SGCZ: variants seen among roughly 807,000 people sequenced by gnomAD.
SGCZ encodes zeta-sarcoglycan.
Under a neutral mutation model 41.3 loss-of-function variants are expected in SGCZ, and 40 were observed. The ratio of observed to expected loss-of-function variants is 0.97; its 90% CI spans 0.75 to 1.26. SGCZ has a LOEUF of 1.26. SGCZ is among the 50% of genes most tolerant of loss of function. The pLI is 0.00. For missense variants in SGCZ, 552 were observed against 369.8 expected (o/e 1.49, Z -4.04); for synonymous variants, 206 against 137.5 (o/e 1.50, Z -3.49).
At chr8:14,194,417 G>C (rs1805202316) in intron 4 of SGCZ, among the ~76,000 whole-genome samples, 1 of 151,780 alleles carries the variant, frequency 6.6e-6, no homozygotes, top group African/African-American at 2.4e-5. Flanking sequence ...TGTAATCTTA[G>C]TTTAATTAAT....
rs143429878 is a variant in SGCZ, at chr8:14,398,856, G to A, written c.235-74652C>T. On this transcript the variant is annotated intron_variant, in intron 2 of 7. Coordinates refer to ENST00000382080, the MANE Select transcript of SGCZ (RefSeq NM_139167.4). ...TTGAGGTGATTATTTAGCTCAAGGTGGGAGTGAGACATGGCTGCTGTTTCA... is the reference window on the plus strand; with the variant it reads ...TTGAGGTGATTATTTAGCTCAAGGTAGGAGTGAGACATGGCTGCTGTTTCA... 7.9e-3 allele frequency among the ~76,000 whole-genome samples: 1,200 copies of A among 152,172 alleles called. 12 individuals carry two copies. Among genetic ancestry groups the A allele is most frequent in the Non-Finnish European group, 0.012 (845 of 67,982 alleles).
At chr8:14,476,514 G>A (rs1049654218) in intron 2 of SGCZ, among the ~76,000 whole-genome samples, 2 of 151,958 alleles carry the variant, frequency 1.3e-5, no homozygotes, top group Non-Finnish European at 2.9e-5. Context: ...TTATTAGTGA[G>A]CTAGTAATTT....
intron 1 of SGCZ, among the ~76,000 whole-genome samples, chr8:14,948,046 G>T (rs150954518): frequency 6.6e-6 from 1 of 152,152 alleles, no homozygotes; most frequent in Non-Finnish European, 1.5e-5. Context: ...TTATGGAGAA[G>T]GACAGAAGAG....
At chr8:14,347,076 C>T (rs1358956600) in intron 2 of SGCZ, among the ~76,000 whole-genome samples, 2 of 152,020 alleles carry the variant, frequency 1.3e-5, no homozygotes, top group Admixed American at 6.6e-5. Flanking sequence ...TATTAGCCCT[C>T]GTTAGTTGCC....
At chr8:14,156,971 T>TA (rs1205505539) in intron 5 of SGCZ, among the ~76,000 whole-genome samples, 1 of 152,142 alleles carries the variant, frequency 6.6e-6, no homozygotes, top group African/African-American at 2.4e-5. Context: ...AAAATAATGA[T>TA]AAAAAACTAC....
chr8:14,926,030 C>G (rs1799737643), intron 1 of SGCZ, among the ~76,000 whole-genome samples: 1 of 152,008 alleles, frequency 6.6e-6, no homozygotes, highest in South Asian at 2.1e-4. Flanking sequence ...TTAAAGTTAA[C>G]TATGTGAAGA....
intron 3 of SGCZ, among the ~76,000 whole-genome samples, chr8:14,274,230 TA>T (rs1336182293): frequency 1.3e-5 from 2 of 152,112 alleles, no homozygotes; most frequent in Non-Finnish European, 2.9e-5. Flanking sequence ...CAGAAGAAAA[TA>T]AAGCATTGAA....
intron 1 of SGCZ, among the ~76,000 whole-genome samples, chr8:14,765,844 A>C (rs1157159854): frequency 6.6e-6 from 1 of 152,222 alleles, no homozygotes; most frequent in East Asian, 1.9e-4. Flanking sequence ...TCGTAGTAAA[A>C]AAATAAAACA....
intron 1 of SGCZ, among the ~76,000 whole-genome samples, chr8:14,815,141 A>G (rs911887315): frequency 3.3e-5 from 5 of 152,140 alleles, no homozygotes; most frequent in Non-Finnish European, 5.9e-5. Context: ...TTATACTTCA[A>G]TTAGTAAGTG....
intron 1 of SGCZ, among the ~76,000 whole-genome samples, chr8:15,035,499 A>G (rs1394098325): frequency 6.6e-6 from 1 of 152,186 alleles, no homozygotes; most frequent in Non-Finnish European, 1.5e-5. Context: ...ATCGTTACCT[A>G]TAAATATTTG....
At chr8:15,014,170 A>C (rs1303256215) in intron 1 of SGCZ, among the ~76,000 whole-genome samples, 1 of 152,204 alleles carries the variant, frequency 6.6e-6, no homozygotes, top group Non-Finnish European at 1.5e-5. Flanking sequence ...ACAAGCCTGG[A>C]GCACTGTGGT....
At chr8:14,456,802 G>C (rs1316688126) in intron 2 of SGCZ, among the ~76,000 whole-genome samples, 1 of 152,194 alleles carries the variant, frequency 6.6e-6, no homozygotes, top group Non-Finnish European at 1.5e-5. Context: ...AGATCAGGGA[G>C]GTGGATCCCT....
chr8:14,731,944 T>TG (rs1798866424), intron 1 of SGCZ, among the ~76,000 whole-genome samples: 1 of 152,174 alleles, frequency 6.6e-6, no homozygotes, highest in African/African-American at 2.4e-5. Context: ...CACAAGACTC[T>TG]TCCAGTCGAT....
intron 4 of SGCZ, among the ~76,000 whole-genome samples, chr8:14,199,524 C>A (rs1805387159): frequency 6.6e-6 from 1 of 152,032 alleles, no homozygotes; most frequent in Non-Finnish European, 1.5e-5. Context: ...TGACCCACAC[C>A]CTATTTGTAC....
At chr8:14,347,229 T>G (rs1184760057) in intron 2 of SGCZ, among the ~76,000 whole-genome samples, 2 of 152,140 alleles carry the variant, frequency 1.3e-5, no homozygotes, top group Non-Finnish European at 2.9e-5. Flanking sequence ...AGACTTCATA[T>G]TGAGCTAATA....
At chr8:14,825,536 T>C (rs1370096111) in intron 1 of SGCZ, among the ~76,000 whole-genome samples, 1 of 152,232 alleles carries the variant, frequency 6.6e-6, no homozygotes, top group African/African-American at 2.4e-5. Flanking sequence ...GGTAAATAAA[T>C]ATTGTATGTA....
intron 1 of SGCZ, among the ~76,000 whole-genome samples, chr8:14,930,105 A>T (rs1276245694): frequency 1.3e-5 from 2 of 152,128 alleles, no homozygotes; most frequent in East Asian, 3.9e-4. Flanking sequence ...ATCATATGAT[A>T]TTGTGAATTA....
chr8:14,657,200 A>G (rs1470921041), intron 1 of SGCZ, among the ~76,000 whole-genome samples: 1 of 151,994 alleles, frequency 6.6e-6, no homozygotes, highest in Non-Finnish European at 1.5e-5. Context: ...AGTTGAGTGA[A>G]GAGACGTATG....
chr8:14,217,661 T>TCTCA (rs71209023), intron 4 of SGCZ, among the ~76,000 whole-genome samples: 30,058 of 130,060 alleles, frequency 0.23, 4,599 homozygotes, highest in Non-Finnish European at 0.33. Context: ...TGAGACAGAG[T>TCTCA]CTCTGTCACC....
Sources: gnomAD v4.1 joint callset for allele counts (sites outside exome capture counted in the v4.1 genomes callset) on GRCh38, gnomAD v4.1.1 for gene constraint, MANE v1.5 for transcripts, NCBI Gene and HGNC (gene_info 2026-07-23, HGNC 2026-07-21) for gene names.